Variants in SETBP1 observed in about 807,000 individuals in gnomAD.
SETBP1 encodes SET-binding protein.
Under a neutral mutation model 101.0 loss-of-function variants are expected in SETBP1, and 9 were observed. The observed-to-expected ratio is 0.09, with a 90% CI of 0.05 to 0.16. SETBP1 has a LOEUF of 0.16. Among genes scored for constraint, SETBP1 ranks in the 10% least tolerant of loss-of-function variants. The pLI, the probability that SETBP1 is intolerant of heterozygous loss-of-function variation, is 1.00. For missense variants in SETBP1, 1,858 were observed against 2,033.8 expected (o/e 0.91, Z 1.66); for synonymous variants, 818 against 788.5 (o/e 1.04, Z -0.63).
intron 3 of SETBP1, among the ~76,000 whole-genome samples, chr18:44,945,218 G>T (rs917595323): frequency 6.6e-6 from 1 of 152,010 alleles, no homozygotes; most frequent in African/African-American, 2.4e-5. Flanking sequence ...GAAAATTTTT[G>T]CAATCTACTC....
intron 4 of SETBP1, among the ~76,000 whole-genome samples, chr18:45,037,957 T>G (rs2073431273): frequency 6.6e-6 from 1 of 152,154 alleles, no homozygotes; most frequent in Non-Finnish European, 1.5e-5. Context: ...GCATGAGCCT[T>G]TCCTCACTTC....
At chr18:44,863,945 C>T (rs1011653556) in intron 2 of SETBP1, among the ~76,000 whole-genome samples, 2 of 152,168 alleles carry the variant, frequency 1.3e-5, no homozygotes, top group African/African-American at 2.4e-5. Flanking sequence ...ATGACCCACA[C>T]CCTGCCTTTT....
chr18:44,855,037 A>C (rs2072945601), intron 2 of SETBP1, among the ~76,000 whole-genome samples: 1 of 151,728 alleles, frequency 6.6e-6, no homozygotes, highest in African/African-American at 2.4e-5. Context: ...CAGATGGCTC[A>C]CTCCCTTCTT....
At chr18:45,057,847 ATCT>A (rs1281802110) in intron 5 of SETBP1, among the ~76,000 whole-genome samples, 3 of 152,208 alleles carry the variant, frequency 2.0e-5, no homozygotes, top group African/African-American at 4.8e-5. Flanking sequence ...TTTCTTGAGA[ATCT>A]TCTATATAAC....
chr18:44,923,315 C>A (rs1568218403), intron 3 of SETBP1, among the ~76,000 whole-genome samples: 1 of 152,202 alleles, frequency 6.6e-6, no homozygotes, highest in East Asian at 1.9e-4. Context: ...TCCTCCTGAG[C>A]AACATGACTG....
chr18:44,819,223 G>A (rs547580369), intron 2 of SETBP1, among the ~76,000 whole-genome samples: 2 of 152,196 alleles, frequency 1.3e-5, no homozygotes, highest in Admixed American at 6.5e-5. Flanking sequence ...GGTTGGAGAT[G>A]GGCAATCCAT....
At chr18:44,862,781 G>T (rs1233460502) in intron 2 of SETBP1, among the ~76,000 whole-genome samples, 1 of 152,194 alleles carries the variant, frequency 6.6e-6, no homozygotes, top group Admixed American at 6.5e-5. Flanking sequence ...TTAGAGGTGT[G>T]TATTTTCAGG....
chr18:44,893,568 C>T (rs2069821812), intron 3 of SETBP1, among the ~76,000 whole-genome samples: 1 of 152,136 alleles, frequency 6.6e-6, no homozygotes. Context: ...TCTCTCCTCA[C>T]CCCGGTGTGG....
At chr18:44,982,940 G>A (rs895259532) in intron 4 of SETBP1, among the ~76,000 whole-genome samples, 1 of 152,074 alleles carries the variant, frequency 6.6e-6, no homozygotes, top group African/African-American at 2.4e-5. Context: ...AACAATTAAG[G>A]GACTTTACAA....
intron 2 of SETBP1, among the ~76,000 whole-genome samples, chr18:44,856,487 G>C (rs1271522335): frequency 6.6e-6 from 1 of 152,186 alleles, no homozygotes; most frequent in Non-Finnish European, 1.5e-5. Flanking sequence ...GATTATGTGA[G>C]ATCATCTTTT....
chr18:44,683,076 G>A (rs1436018180), intron 1 of SETBP1, among the ~76,000 whole-genome samples: 6 of 152,226 alleles, frequency 3.9e-5, no homozygotes, highest in African/African-American at 9.6e-5. Flanking sequence ...TGTCGGTTAA[G>A]AAGGGGGCCA....
At chr18:45,037,037 C>T (rs2073411659) in intron 4 of SETBP1, among the ~76,000 whole-genome samples, 1 of 152,190 alleles carries the variant, frequency 6.6e-6, no homozygotes, top group African/African-American at 2.4e-5. Context: ...ACAGCGTTGC[C>T]ACGAGGCCCA....
intron 1 of SETBP1, among the ~76,000 whole-genome samples, chr18:44,694,000 G>A (rs1255285182): frequency 1.3e-5 from 2 of 152,210 alleles, no homozygotes; most frequent in Non-Finnish European, 2.9e-5. Context: ...GTTGCTTCAA[G>A]TAAAGTTCTG....
intron 2 of SETBP1, among the ~76,000 whole-genome samples, chr18:44,778,538 CACAA>C (rs1262007166): frequency 6.6e-6 from 1 of 152,144 alleles, no homozygotes; most frequent in Non-Finnish European, 1.5e-5. Flanking sequence ...TTACTAAGAA[CACAA>C]ACAAACAAAA....
chr18:44,926,710 G>A (rs1308816713), intron 3 of SETBP1, among the ~76,000 whole-genome samples: 1 of 152,022 alleles, frequency 6.6e-6, no homozygotes, highest in Non-Finnish European at 1.5e-5. Context: ...TCCACACCAA[G>A]CTGTCTAACC....
chr18:44,734,682 C>CT (rs2069924750), intron 2 of SETBP1, among the ~76,000 whole-genome samples: 1 of 152,108 alleles, frequency 6.6e-6, no homozygotes, highest in South Asian at 2.1e-4. Flanking sequence ...TCCTGGTGTC[C>CT]TCAGCTCATG....
chr18:44,885,498 G>A (rs2069621351), intron 3 of SETBP1, among the ~76,000 whole-genome samples: 1 of 151,990 alleles, frequency 6.6e-6, no homozygotes, highest in African/African-American at 2.4e-5. Context: ...AATCACTAAG[G>A]TGTTTCTAAT....
At chr18:44,744,423 T>C (rs2070176198) in intron 2 of SETBP1, among the ~76,000 whole-genome samples, 1 of 152,238 alleles carries the variant, frequency 6.6e-6, no homozygotes, top group Admixed American at 6.5e-5. Flanking sequence ...CTCCCTGGCC[T>C]GGCGTGAGGG....
intron 4 of SETBP1, among the ~76,000 whole-genome samples, chr18:44,990,927 G>GAAAAAAAAAAAAA (rs996043221): frequency 7.9e-5 from 5 of 63,192 alleles, no homozygotes; most frequent in Admixed American, 1.7e-4. Flanking sequence ...CAGAGAGAGA[G>GAAAAAAAAAAAAA]AAAAAAAAAA....
Sources: allele counts gnomAD v4.1 joint callset (sites outside exome capture counted in the v4.1 genomes callset), GRCh38; gene constraint gnomAD v4.1.1; transcripts MANE v1.5; gene names NCBI Gene and HGNC (gene_info 2026-07-23, HGNC 2026-07-21).